Variants in TRPM3 observed in about 807,000 individuals in gnomAD.
TRPM3 encodes long transient receptor potential channel 3.
TRPM3 carries 77 observed loss-of-function variants against 181.2 expected under a neutral mutation model. The ratio of observed to expected loss-of-function variants is 0.42; its 90% CI spans 0.35 to 0.51. The LOEUF (loss-of-function observed/expected upper bound fraction) is 0.51, where lower values mean the gene tolerates loss of function less well. Ranked by LOEUF, TRPM3 falls within the 20% of genes least tolerant of loss-of-function variation. TRPM3 has a pLI of 0.01. For missense variants in TRPM3, 1,759 were observed against 2,196.7 expected (o/e 0.80, Z 3.98); for synonymous variants, 745 against 796.4 (o/e 0.94, Z 1.09).
At chr9:71,186,754 A>T (rs1356628805) in intron 1 of TRPM3, among the ~76,000 whole-genome samples, 1 of 152,098 alleles carries the variant, frequency 6.6e-6, no homozygotes, top group African/African-American at 2.4e-5. Context: ...TCCTGTAAAA[A>T]GAACAGATTT....
At chr9:70,879,889 C>T (rs761712982) in intron 1 of TRPM3, among the ~76,000 whole-genome samples, 4 of 152,134 alleles carry the variant, frequency 2.6e-5, no homozygotes, top group Non-Finnish European at 5.9e-5. Context: ...ATTCATGCTG[C>T]ACCTGTGTGT....
At chr9:70,539,686 C>T (rs2042762455) in intron 25 of TRPM3, among the ~76,000 whole-genome samples, 1 of 152,118 alleles carries the variant, frequency 6.6e-6, no homozygotes, top group Non-Finnish European at 1.5e-5. Flanking sequence ...TCATTCTGTC[C>T]TATAAACATA....
intron 22 of TRPM3, among the ~76,000 whole-genome samples, chr9:70,588,159 T>G (rs1055761891): frequency 6.6e-6 from 1 of 152,236 alleles, no homozygotes; most frequent in Admixed American, 6.5e-5. Context: ...GGGTTTAGTT[T>G]TAAGCACATT....
chr9:70,813,796 C>T (rs868255495), intron 6 of TRPM3, among the ~76,000 whole-genome samples: 1 of 152,140 alleles, frequency 6.6e-6, no homozygotes, highest in Non-Finnish European at 1.5e-5. Flanking sequence ...TGACCTTGTG[C>T]CTCTTTGTGC....
intron 1 of TRPM3, among the ~76,000 whole-genome samples, chr9:70,974,944 T>C (rs980764093): frequency 6.8e-6 from 1 of 147,980 alleles, no homozygotes; most frequent in Non-Finnish European, 1.5e-5. Flanking sequence ...CTTGGCTCAC[T>C]GCAACCTCCA....
At chr9:70,609,192 C>T (rs1476610186) in intron 19 of TRPM3, among the ~76,000 whole-genome samples, 1 of 152,088 alleles carries the variant, frequency 6.6e-6, no homozygotes, top group Non-Finnish European at 1.5e-5. Context: ...TGTTTGAGGG[C>T]ACATGGTAAG....
At chr9:71,163,212 G>A (rs2076364425) in intron 1 of TRPM3, among the ~76,000 whole-genome samples, 1 of 152,102 alleles carries the variant, frequency 6.6e-6, no homozygotes, top group African/African-American at 2.4e-5. Context: ...AATAGATTGG[G>A]AAGTGGTGAG....
At chr9:70,631,385 T>C (rs908772226) in intron 12 of TRPM3, among the ~76,000 whole-genome samples, 6 of 148,410 alleles carry the variant, frequency 4.0e-5, no homozygotes, top group Admixed American at 6.7e-5. Context: ...TTTTTTATTC[T>C]GAAAAGCTCT....
chr9:70,776,531 A>G (rs2081398566), intron 7 of TRPM3: 1 of 686,928 alleles, frequency 1.5e-6, no homozygotes, highest in Non-Finnish European at 2.7e-6. Context: ...AAATAAGTAA[A>G]CTGAATGCCC....
chr9:70,782,196 T>C (rs1182575158), intron 7 of TRPM3, among the ~76,000 whole-genome samples: 12 of 120,604 alleles, frequency 9.9e-5, no homozygotes, highest in Admixed American at 9.7e-4. Context: ...AGAACCTTGG[T>C]TAATTTTTTT....
chr9:71,094,848 C>T (rs1409221857), intron 1 of TRPM3, among the ~76,000 whole-genome samples: 1 of 152,106 alleles, frequency 6.6e-6, no homozygotes, highest in Non-Finnish European at 1.5e-5. Flanking sequence ...AATCCATCCT[C>T]TATGATCACA....
At chr9:71,092,630 A>G (rs2066415155) in intron 1 of TRPM3, among the ~76,000 whole-genome samples, 1 of 152,156 alleles carries the variant, frequency 6.6e-6, no homozygotes, top group Non-Finnish European at 1.5e-5. Flanking sequence ...TAGGTATTCA[A>G]TTTCTTCCTG....
At chr9:70,772,479 A>G (rs1400139968) in intron 7 of TRPM3, among the ~76,000 whole-genome samples, 2 of 151,780 alleles carry the variant, frequency 1.3e-5, no homozygotes, top group African/African-American at 4.8e-5. Context: ...ATGCCACCAC[A>G]CCTGGCTAAT....
At chr9:71,365,955 A>T (rs1357877762) in intron 1 of TRPM3, among the ~76,000 whole-genome samples, 3 of 152,130 alleles carry the variant, frequency 2.0e-5, no homozygotes, top group Admixed American at 1.3e-4. Context: ...AAAGTAAAAT[A>T]AAAAAAGGGG....
At chr9:70,598,043 G>A (rs767934987) in intron 21 of TRPM3, among the ~76,000 whole-genome samples, 26 of 152,200 alleles carry the variant, frequency 1.7e-4, no homozygotes, top group Admixed American at 4.6e-4. Flanking sequence ...TGGTTCTGTT[G>A]TACTTTATAC....
chr9:70,537,269 G>A lies in TRPM3; in HGVS notation c.3844C>T (p.Leu1282=). The change falls in exon 26 of 26, where the codon CTG becomes TTG. Residue 1282 remains leucine, a synonymous_variant. Coordinates refer to ENST00000677713, the MANE Select transcript of TRPM3 (RefSeq NM_001366145.2). ...GACTCGGCCCGCTCCAGACCTGTCA[G>A]GCGCTCCAGGGCCGTGGCCATGCGC... The part of the protein sequence containing the change: ...IGRMATALER[L]TGLERAESNK... 6.3e-7 allele frequency: 1 copy of A among 1,579,412 alleles called. No homozygotes were observed. The highest frequency in any genetic ancestry group is 8.6e-7 in the Non-Finnish European group (1 of 1,158,092).
chr9:70,838,685 A>T (rs921568082), intron 5 of TRPM3, among the ~76,000 whole-genome samples: 1 of 152,096 alleles, frequency 6.6e-6, no homozygotes, highest in Non-Finnish European at 1.5e-5. Flanking sequence ...AATAGAGGAG[A>T]GGGATGGTGG....
chr9:71,003,634 T>C (rs3124645), intron 1 of TRPM3, among the ~76,000 whole-genome samples: 34,625 of 152,042 alleles, frequency 0.23, 4,697 homozygotes, highest in East Asian at 0.33. Context: ...ACCAATCTGA[T>C]ACATGGGAAA....
chr9:70,738,479 A>G (rs568009862), intron 8 of TRPM3, among the ~76,000 whole-genome samples: 1 of 152,340 alleles, frequency 6.6e-6, no homozygotes, highest in African/African-American at 2.4e-5. Context: ...CCTCTGGAAT[A>G]CAGCAAAGGC....
Sources: gnomAD v4.1 joint callset for allele counts (sites outside exome capture counted in the v4.1 genomes callset) on GRCh38, gnomAD v4.1.1 for gene constraint, MANE v1.5 for transcripts, NCBI Gene and HGNC (gene_info 2026-07-23, HGNC 2026-07-21) for gene names.